The following PAX5 variants were observed in gnomAD, a reference collection of about 807,000 sequenced individuals.
The protein encoded by PAX5 is paired box protein Pax-5.
In PAX5, 9 loss-of-function variants were observed where a neutral mutation model predicts 43.7. The ratio of observed to expected loss-of-function variants is 0.21; its 90% CI spans 0.12 to 0.36. The LOEUF (loss-of-function observed/expected upper bound fraction) is 0.36, where lower values mean the gene tolerates loss of function less well. Among genes scored for constraint, PAX5 ranks in the 10% least tolerant of loss-of-function variants. The probability of loss-of-function intolerance (pLI) is 1.00; values close to 1 mark genes in which losing one functional copy is unlikely to be tolerated. For synonymous variants in PAX5, 228 were observed against 214.3 expected, an observed-to-expected ratio of 1.06 and a Z score of -0.56; for missense variants, 383 against 532.7, an observed-to-expected ratio of 0.72 and a Z score of 2.77.
In PAX5 at chr9:36,842,586, C is replaced by T. The variant is rs1022476640; in HGVS notation, c.1100-1950G>A. Among the ~76,000 whole-genome samples, 12 of 152,336 alleles carry T rather than the reference C, an allele frequency of 7.9e-5. No homozygotes were observed. The South Asian group carries it at 2.3e-3, about 29-fold the overall frequency. On this transcript the variant is annotated intron_variant, in intron 9 of 9. Coordinates refer to ENST00000358127, the MANE Select transcript of PAX5 (RefSeq NM_016734.3). ...CTCACAAAGCACTCTGTCTTCCTGG[C>T]GCCCATTAAACCTCCATCTAGAATA...
intron 6 of PAX5, among the ~76,000 whole-genome samples, chr9:36,963,903 G>A (rs1430061527): frequency 6.6e-6 from 1 of 152,090 alleles, no homozygotes; most frequent in African/African-American, 2.4e-5. Flanking sequence ...CTCTCTCTGG[G>A]CCTCTAAAAA....
At chr9:37,031,491 CAA>C in intron 1 of PAX5, among the ~76,000 whole-genome samples, 1 of 152,248 alleles carries the variant, frequency 6.6e-6, no homozygotes, top group East Asian at 1.9e-4. Flanking sequence ...TCTAAGGACT[CAA>C]GGGTTCCCAT....
chr9:37,002,894 C>T lies in PAX5; in HGVS notation c.476-118G>A. 5 of 1,257,790 alleles carry T rather than the reference C, an allele frequency of 4.0e-6. No homozygotes were observed. The South Asian group carries it at 7.5e-5, about 19-fold the overall frequency. The allele number at this position is 1,257,790 out of a possible 1,614,324, so 77.9% of individuals were successfully genotyped here. A position where few individuals can be genotyped will look rare whatever the true frequency, so the allele number is the denominator to read the frequency against. On this transcript the variant is annotated intron_variant, in intron 4 of 9. Transcript: ENST00000358127. ...GAGCGAGCGCAGGGTGGGCAGGGGG[C>T]GCTGAGGACCCTCGCTCTGCGGAGG...
chr9:36,983,418 T>C (rs1423650905), intron 5 of PAX5, among the ~76,000 whole-genome samples: 1 of 152,266 alleles, frequency 6.6e-6, no homozygotes, highest in Non-Finnish European at 1.5e-5. Context: ...TAGTCATGTC[T>C]GAGCATTTAC....
intron 7 of PAX5, among the ~76,000 whole-genome samples, chr9:36,922,357 T>C (rs1044466452): frequency 6.6e-6 from 1 of 152,182 alleles, no homozygotes; most frequent in Non-Finnish European, 1.5e-5. Context: ...ACCAGACCCA[T>C]GGCTCTGGCC....
intron 5 of PAX5, among the ~76,000 whole-genome samples, chr9:36,987,566 A>G (rs2132309429): frequency 6.6e-6 from 1 of 152,318 alleles, no homozygotes; most frequent in South Asian, 2.1e-4. Context: ...CCAGCAAGGG[A>G]GTGCCAAGCC....
At chr9:36,932,120 T>A (rs534199024) in intron 6 of PAX5, among the ~76,000 whole-genome samples, 1 of 152,100 alleles carries the variant, frequency 6.6e-6, no homozygotes, top group African/African-American at 2.4e-5. Flanking sequence ...ACAAAAAAAT[T>A]AAAAATTAGC....
intron 1 of PAX5, among the ~76,000 whole-genome samples, chr9:37,030,650 G>A (rs776522559): frequency 2.4e-4 from 37 of 152,242 alleles, no homozygotes; most frequent in Non-Finnish European, 1.8e-4. Context: ...GAACCGAATT[G>A]CCTTTGAAAG....
At chr9:37,006,563 G>T in intron 3 of PAX5, 26 bp from the exon 4 acceptor site, 1 of 1,599,186 alleles carries the variant, frequency 6.3e-7, no homozygotes, top group Non-Finnish European at 8.6e-7. Context: ...AAACAAAATT[G>T]CTATTTACCA....
chr9:36,891,937 C>T (rs796667415), intron 7 of PAX5, among the ~76,000 whole-genome samples: 30 of 152,296 alleles, frequency 2.0e-4, no homozygotes, highest in African/African-American at 7.0e-4. Flanking sequence ...CACCCACCTC[C>T]CTGGAATCTC....
At chr9:36,883,226 C>T (rs2131773828) in intron 7 of PAX5, among the ~76,000 whole-genome samples, 1 of 152,252 alleles carries the variant, frequency 6.6e-6, no homozygotes, top group East Asian at 1.9e-4. Flanking sequence ...ATTTCTGAAC[C>T]CCAACAGTTT....
intron 8 of PAX5, among the ~76,000 whole-genome samples, chr9:36,864,727 C>G (rs908250650): frequency 6.6e-6 from 1 of 152,228 alleles, no homozygotes; most frequent in African/African-American, 2.4e-5. Flanking sequence ...TGGGAGCCTG[C>G]CGCCAGGGCT....
chr9:37,020,494 T>C, intron 2 of PAX5, 142 bp downstream of exon 2: 2 of 835,028 alleles, frequency 2.4e-6, no homozygotes, highest in East Asian at 2.5e-5. Flanking sequence ...AATTGGGGCT[T>C]TGCAGACTTT....
At chr9:36,968,925 A>G (rs541985284) in intron 5 of PAX5, among the ~76,000 whole-genome samples, 2 of 152,140 alleles carry the variant, frequency 1.3e-5, no homozygotes, top group Non-Finnish European at 2.9e-5. Context: ...ACACATGCAC[A>G]CACACATGCA....
At chr9:36,862,976 G>A (rs571742560) in intron 8 of PAX5, among the ~76,000 whole-genome samples, 4 of 152,276 alleles carry the variant, frequency 2.6e-5, no homozygotes, top group East Asian at 1.9e-4. Context: ...CAGAGTCACC[G>A]GCTGACTGGA....
rs143699849 is a variant in PAX5, at chr9:36,864,268, G to A, written c.1013-17339C>T. ...TCTAAGGCTGGTAAACCTACAGGCA[G>A]GACTAAGGCCAAAGGTGCCAAGTCC... is the stretch of plus-strand genomic sequence containing the variant. On this transcript the variant is annotated intron_variant, in intron 8 of 9. Transcript: ENST00000358127. The A allele has an allele frequency of 3.9e-3, 596 of 154,518 alleles. 1 individual carries two copies. Among genetic ancestry groups the A allele is most frequent in the Non-Finnish European group, 6.6e-3 (449 of 68,274 alleles). The allele number at this position is 154,518 out of a possible 1,614,324, so 9.6% of individuals were successfully genotyped here.
At chr9:36,999,919 C>T (rs771963294) in intron 5 of PAX5, among the ~76,000 whole-genome samples, 5 of 152,112 alleles carry the variant, frequency 3.3e-5, no homozygotes, top group Non-Finnish European at 7.4e-5. Context: ...CCAGGCTCTG[C>T]CCAGCCCCAG....
intron 8 of PAX5, among the ~76,000 whole-genome samples, chr9:36,861,711 G>A (rs73648150): frequency 0.01 from 1,520 of 151,940 alleles, 26 homozygotes; most frequent in African/African-American, 0.035. Context: ...AGGCCTATGT[G>A]GCTGGAGAGA....
At position 36,834,407 on chromosome 9, in the gene PAX5, G is replaced by GGAGTGA; in HGVS notation, c.*6147_*6152dup. On this transcript the variant is annotated 3_prime_UTR_variant, in exon 10 of 10. Coordinates refer to ENST00000358127, the MANE Select transcript of PAX5 (RefSeq NM_016734.3). ...GTTTCAAGTATGTCTGAGGTGTAGG[G>GGAGTGA]GAGTGAGTGAGTGTGTGTGTGTGTG... is the stretch of plus-strand genomic sequence containing the variant. 4.8e-6 allele frequency: 1 copy of GGAGTGA among 209,932 alleles called. No individual in the cohort carries two copies. Among genetic ancestry groups the GGAGTGA allele is most frequent in the East Asian group, 6.4e-5 (1 of 15,604 alleles). The allele number at this position is 209,932 out of a possible 1,614,324, so 13.0% of individuals were successfully genotyped here.
Sources: allele counts gnomAD v4.1 joint callset (sites outside exome capture counted in the v4.1 genomes callset), GRCh38; gene constraint gnomAD v4.1.1; transcripts MANE v1.5; gene names NCBI Gene and HGNC (gene_info 2026-07-23, HGNC 2026-07-21).